The following CDC42SE2 variants were observed in gnomAD, a reference collection of about 807,000 sequenced individuals.
CDC42SE2 encodes CDC42 small effector 2, also known as CDC42 small effector protein 2.
In CDC42SE2, 3 loss-of-function variants were observed where a neutral mutation model predicts 11.5. The observed-to-expected ratio is 0.26, with a 90% confidence interval of 0.12 to 0.67. The LOEUF (loss-of-function observed/expected upper bound fraction) is 0.67, where lower values mean the gene tolerates loss of function less well. Ranked by LOEUF, CDC42SE2 falls within the 30% of genes least tolerant of loss-of-function variation. The probability of loss-of-function intolerance (pLI) is 0.80; values close to 1 mark genes in which losing one functional copy is unlikely to be tolerated. For synonymous variants in CDC42SE2, 33 were observed against 34.8 expected, an observed-to-expected ratio of 0.95 and a Z score of 0.18; for missense variants, 82 against 106.8, an observed-to-expected ratio of 0.77 and a Z score of 1.02.
chr5:131,210,680 TA>T, the CDC42SE2 span, among the ~76,000 whole-genome samples: 3 of 152,244 alleles, frequency 2.0e-5, no homozygotes, highest in Admixed American at 2.0e-4. Flanking sequence ...TGATTGCTTG[TA>T]AGATTTTTGT....
chr5:131,236,538 A>G, the CDC42SE2 span, among the ~76,000 whole-genome samples: 14 of 151,906 alleles, frequency 9.2e-5, no homozygotes, highest in African/African-American at 3.4e-4. Flanking sequence ...GTTGATTCTC[A>G]TGCCTCAGCC....
intron 1 of CDC42SE2, among the ~76,000 whole-genome samples, chr5:131,250,005 T>TG (rs1756627605): frequency 2.0e-5 from 3 of 152,214 alleles, no homozygotes; most frequent in Admixed American, 1.3e-4. Context: ...AAGTTGGTTC[T>TG]GGGGCATAAT....
intron 2 of CDC42SE2, among the ~76,000 whole-genome samples, chr5:131,352,577 T>C (rs1749374680): frequency 6.6e-6 from 1 of 152,208 alleles, no homozygotes; most frequent in Non-Finnish European, 1.5e-5. Flanking sequence ...CTTTTATAAC[T>C]GAGTTCAGGG....
chr5:131,347,568 G>T (rs993320974), intron 2 of CDC42SE2, among the ~76,000 whole-genome samples: 17 of 152,238 alleles, frequency 1.1e-4, no homozygotes, highest in African/African-American at 3.6e-4. Context: ...TCTACCAGAG[G>T]TACAAAGAGG....
intron 2 of CDC42SE2, among the ~76,000 whole-genome samples, chr5:131,357,873 C>G (rs1749597376): frequency 6.6e-6 from 1 of 152,192 alleles, no homozygotes; most frequent in Non-Finnish European, 1.5e-5. Context: ...GTTGCCAGCG[C>G]CACACTGTGT....
chr5:131,289,946 A>C (rs752218506), intron 1 of CDC42SE2, among the ~76,000 whole-genome samples: 9 of 151,976 alleles, frequency 5.9e-5, no homozygotes, highest in Admixed American at 5.2e-4. Flanking sequence ...GGGCTCAAGT[A>C]GTCCTTTTGC....
chr5:131,270,752 A>G (rs956231170), intron 1 of CDC42SE2, among the ~76,000 whole-genome samples: 1 of 152,240 alleles, frequency 6.6e-6, no homozygotes. Flanking sequence ...ATTAAAAGGT[A>G]CAGTATAGTA....
intron 3 of CDC42SE2, among the ~76,000 whole-genome samples, chr5:131,378,839 A>AAG (rs1235048458): frequency 6.6e-6 from 1 of 152,182 alleles, no homozygotes; most frequent in Non-Finnish European, 1.5e-5. Flanking sequence ...CACAGTAACC[A>AAG]CTGAAAACTC....
the CDC42SE2 span, among the ~76,000 whole-genome samples, chr5:131,225,668 T>A: frequency 6.6e-6 from 1 of 152,088 alleles, no homozygotes; most frequent in African/African-American, 2.4e-5. Flanking sequence ...AAAGTCAGTC[T>A]CCCCTTGCAT....
intron 1 of CDC42SE2, among the ~76,000 whole-genome samples, chr5:131,282,914 C>T (rs1176024482): frequency 6.7e-6 from 1 of 149,276 alleles, no homozygotes. Flanking sequence ...CAAGTGTGAG[C>T]CACTGCACCT....
In CDC42SE2 at chr5:131,391,066, A is replaced by G. The variant is rs1750636828; in HGVS notation, c.230A>G (p.Gln77Arg). The change falls in exon 5 of 5, where the codon CAG (glutamine) becomes CGG (arginine). Residue 77 changes from glutamine (Q) to arginine (R), a missense_variant. Gln to Arg is a conservative substitution (Grantham distance 43). Coordinates refer to ENST00000505065, the MANE Select transcript of CDC42SE2 (RefSeq NM_001375635.1). ...GGGMPANVQM[Q>R]LVDTKAG ...GGAATGCCTGCCAATGTCCAGATGCAGCTCGTGGATACGAAGGCGGGATAG... is the reference window on the plus strand; with the variant it reads ...GGAATGCCTGCCAATGTCCAGATGCGGCTCGTGGATACGAAGGCGGGATAG... The G allele has an allele frequency of 7.4e-6, 12 of 1,612,976 alleles. No individual in the cohort carries two copies. The highest frequency in any genetic ancestry group is 1.0e-5 in the Non-Finnish European group (12 of 1,179,234).
At chr5:131,384,549 A>G (rs977741125) in intron 3 of CDC42SE2, among the ~76,000 whole-genome samples, 3 of 152,162 alleles carry the variant, frequency 2.0e-5, no homozygotes, top group African/African-American at 4.8e-5. Context: ...CACTAACCCA[A>G]CGTGGCCAGT....
At position 131,394,423 on chromosome 5, in the gene CDC42SE2, G is replaced by T. The variant is rs1241895255; in HGVS notation, c.*3332G>T. 1 of 152,264 alleles carries T rather than the reference G, an allele frequency of 6.6e-6. No homozygotes were observed. Among genetic ancestry groups the T allele is most frequent in the Non-Finnish European group, 1.5e-5 (1 of 68,002 alleles). The allele number at this position is 152,264 out of a possible 1,614,324, so 9.4% of individuals were successfully genotyped here. A position where few individuals can be genotyped will look rare whatever the true frequency, so the allele number is the denominator to read the frequency against. ...ATCAGTGGGCCTTTAAAAATACTTC[G>T]TAAGTACATTAGCTTTCACTTTGTT... On this transcript the variant is annotated 3_prime_UTR_variant, in exon 5 of 5. Transcript: ENST00000505065.
intron 1 of CDC42SE2, among the ~76,000 whole-genome samples, chr5:131,312,589 G>A (rs1757945658): frequency 6.6e-6 from 1 of 152,142 alleles, no homozygotes; most frequent in Non-Finnish European, 1.5e-5. Context: ...AGCAATCAGC[G>A]ATACTCCGTG....
chr5:131,268,342 C>T (rs906385422), intron 1 of CDC42SE2, among the ~76,000 whole-genome samples: 3 of 151,928 alleles, frequency 2.0e-5, no homozygotes, highest in Non-Finnish European at 4.4e-5. Context: ...GGATTACAGG[C>T]GTGAGCCACC....
In CDC42SE2 at chr5:131,297,932, T is replaced by G. The variant is rs192141418; in HGVS notation, c.-454-18044T>G. ...TCCAATCTTAATGACAGTTTTTCATTTTTTTCTTTAAAAAGTTAATACACG... is the reference window on the plus strand; with the variant it reads ...TCCAATCTTAATGACAGTTTTTCATGTTTTTCTTTAAAAAGTTAATACACG... On this transcript the variant is annotated intron_variant, in intron 1 of 4. Coordinates refer to ENST00000505065, the MANE Select transcript of CDC42SE2 (RefSeq NM_001375635.1). Among the ~76,000 whole-genome samples, 299 of 152,134 alleles carry G rather than the reference T, an allele frequency of 2.0e-3. 1 individual carries two copies. Among genetic ancestry groups the G allele is most frequent in the African/African-American group, 6.9e-3 (288 of 41,548 alleles).
chr5:131,367,636 T>C (rs1303125675), intron 3 of CDC42SE2, among the ~76,000 whole-genome samples: 1 of 152,258 alleles, frequency 6.6e-6, no homozygotes, highest in Non-Finnish European at 1.5e-5. Context: ...GGTTTCCTCT[T>C]GTGTGAAAGA....
At chr5:131,218,873 G>C in the CDC42SE2 span, among the ~76,000 whole-genome samples, 1 of 152,108 alleles carries the variant, frequency 6.6e-6, no homozygotes, top group Non-Finnish European at 1.5e-5. Flanking sequence ...TTTGTTGGTT[G>C]TGTGCTTATG....
intron 1 of CDC42SE2, among the ~76,000 whole-genome samples, chr5:131,266,407 ATTCAAATAGAAG>A (rs1756864602): frequency 6.6e-6 from 1 of 150,468 alleles, no homozygotes; most frequent in Admixed American, 6.6e-5. Context: ...TAATGTTTAC[ATTCAAATAGAAG>A]TTTCAGATTT....
Sources: gnomAD v4.1 joint callset for allele counts (sites outside exome capture counted in the v4.1 genomes callset) on GRCh38, gnomAD v4.1.1 for gene constraint, MANE v1.5 for transcripts, NCBI Gene and HGNC (gene_info 2026-07-23, HGNC 2026-07-21) for gene names.